The following C8orf34 variants were observed in gnomAD, a reference collection of about 807,000 sequenced individuals.
The protein encoded by C8orf34 is uncharacterized protein C8orf34.
Under a neutral mutation model 68.3 loss-of-function variants are expected in C8orf34, and 65 were observed. The observed-to-expected ratio is 0.95, with a 90% CI of 0.78 to 1.17. The LOEUF (loss-of-function observed/expected upper bound fraction) is 1.17. C8orf34 is among the 50% of genes most tolerant of loss of function. The pLI, the probability that C8orf34 is intolerant of heterozygous loss-of-function variation, is 0.00. For missense variants in C8orf34, 664 were observed against 655.4 expected (o/e 1.01, Z -0.14); for synonymous variants, 244 against 241.2 (o/e 1.01, Z -0.11).
intron 4 of C8orf34, among the ~76,000 whole-genome samples, chr8:68,484,186 AT>A (rs369368306): frequency 5.0e-4 from 76 of 152,276 alleles, no homozygotes; most frequent in African/African-American, 1.8e-3. Context: ...GGTGCTACAC[AT>A]TTTCTATACA....
intron 10 of C8orf34, among the ~76,000 whole-genome samples, chr8:68,766,714 A>G (rs1823187371): frequency 6.6e-6 from 1 of 152,202 alleles, no homozygotes; most frequent in African/African-American, 2.4e-5. Context: ...ATTTTTTAAA[A>G]TTTCACTTGG....
In C8orf34 at chr8:68,766,841, T is replaced by C. The variant is rs1316346761; in HGVS notation, c.1405-9558T>C. Among the ~76,000 whole-genome samples the C allele has an allele frequency of 3.3e-5, 5 of 152,164 alleles. No homozygotes were observed. In the East Asian group the frequency reaches 5.8e-4, roughly 18 times the overall value. On this transcript the variant is annotated intron_variant, in intron 10 of 13. Coordinates refer to ENST00000518698, the MANE Select transcript of C8orf34 (RefSeq NM_052958.4). ...AATAGTGAAAATCACTCAAATAAAA[T>C]GTATGGGTTAATTACTTAATATAAT...
intron 10 of C8orf34, among the ~76,000 whole-genome samples, chr8:68,772,561 T>C (rs1185506426): frequency 6.6e-6 from 1 of 152,208 alleles, no homozygotes; most frequent in Non-Finnish European, 1.5e-5. Flanking sequence ...GAGTTTATAA[T>C]ATATTAAATT....
intron 1 of C8orf34, among the ~76,000 whole-genome samples, chr8:68,394,359 A>G (rs376902403): frequency 9.3e-5 from 14 of 150,872 alleles, no homozygotes; most frequent in East Asian, 4.0e-4. Context: ...TGTTCTTGCG[A>G]TAGTTTACTG....
At chr8:68,678,297 A>G (rs1028615792) in intron 8 of C8orf34, among the ~76,000 whole-genome samples, 1 of 152,166 alleles carries the variant, frequency 6.6e-6, no homozygotes, top group African/African-American at 2.4e-5. Flanking sequence ...GACAACAACT[A>G]TACACCAATA....
intron 12 of C8orf34, among the ~76,000 whole-genome samples, chr8:68,803,908 T>C (rs1165589270): frequency 2.0e-5 from 3 of 152,196 alleles, no homozygotes; most frequent in Non-Finnish European, 4.4e-5. Flanking sequence ...GTGTTCTTGA[T>C]TTTCTAATAG....
intron 1 of C8orf34, among the ~76,000 whole-genome samples, chr8:68,395,493 G>T (rs1330527087): frequency 6.6e-6 from 1 of 152,016 alleles, no homozygotes; most frequent in East Asian, 1.9e-4. Context: ...AGTACTAATT[G>T]TGAAATCCTT....
intron 4 of C8orf34, among the ~76,000 whole-genome samples, chr8:68,477,632 G>A (rs1340361670): frequency 6.6e-6 from 1 of 152,232 alleles, no homozygotes; most frequent in East Asian, 1.9e-4. Flanking sequence ...TGAGGCTGTG[G>A]GAGCCAACCC....
intron 7 of C8orf34, among the ~76,000 whole-genome samples, chr8:68,582,751 A>G (rs1817102820): frequency 1.3e-5 from 2 of 152,054 alleles, no homozygotes. Flanking sequence ...CCTGTGAAAA[A>G]AGACAGACTA....
intron 3 of C8orf34, among the ~76,000 whole-genome samples, chr8:68,454,360 T>C (rs568086195): frequency 6.6e-6 from 1 of 152,060 alleles, no homozygotes; most frequent in Non-Finnish European, 1.5e-5. Flanking sequence ...CTTTAAATGC[T>C]GGGTTGAATT....
At chr8:68,554,503 A>T (rs1586366353) in intron 7 of C8orf34, among the ~76,000 whole-genome samples, 2 of 152,164 alleles carry the variant, frequency 1.3e-5, no homozygotes, top group East Asian at 3.8e-4. Flanking sequence ...TATGAGGTAC[A>T]GTCACTCTTT....
chr8:68,803,998 G>C lies in C8orf34; in HGVS notation c.1550-11888G>C, dbSNP rs75544628. On this transcript the variant is annotated intron_variant, in intron 12 of 13. Transcript: ENST00000518698. ...TAGAGAATTTAGTTTGGTAGTTCGT[G>C]AAAGGTTCACTGTCAACTGACAATT... Among the ~76,000 whole-genome samples the C allele has an allele frequency of 6.3e-3, 958 of 152,184 alleles. 9 individuals are homozygous for C. The highest frequency in any genetic ancestry group is 0.022 in the African/African-American group (911 of 41,518).
chr8:68,593,971 C>T (rs1817470329), intron 7 of C8orf34, among the ~76,000 whole-genome samples: 1 of 151,976 alleles, frequency 6.6e-6, no homozygotes, highest in South Asian at 2.1e-4. Context: ...TAAATTTCCC[C>T]AAATGTTCTT....
At chr8:68,705,162 T>C (rs1482309993) in intron 8 of C8orf34, among the ~76,000 whole-genome samples, 1 of 152,186 alleles carries the variant, frequency 6.6e-6, no homozygotes, top group East Asian at 1.9e-4. Context: ...GGTGCTTATC[T>C]TGCATACAAG....
chr8:68,618,993 G>T (rs996125401), intron 7 of C8orf34, among the ~76,000 whole-genome samples: 1 of 152,144 alleles, frequency 6.6e-6, no homozygotes, highest in Admixed American at 6.5e-5. Context: ...CTAGGGGGAT[G>T]GAAAAGTCTT....
At chr8:68,644,892 C>T (rs754499956) in intron 8 of C8orf34, among the ~76,000 whole-genome samples, 6 of 152,270 alleles carry the variant, frequency 3.9e-5, no homozygotes, top group East Asian at 1.9e-4. Flanking sequence ...TTTTGGGCAT[C>T]TGTATTTTGT....
chr8:68,444,546 C>T (rs1811044059), intron 2 of C8orf34, among the ~76,000 whole-genome samples: 1 of 152,024 alleles, frequency 6.6e-6, no homozygotes, highest in Admixed American at 6.5e-5. Context: ...GATTTATCAA[C>T]AAATAGTGTA....
At chr8:68,711,656 A>G (rs948517561) in intron 9 of C8orf34, among the ~76,000 whole-genome samples, 19 of 152,162 alleles carry the variant, frequency 1.2e-4, no homozygotes, top group Non-Finnish European at 1.8e-4. Context: ...AAAGCCTCCA[A>G]TGAACAAAGT....
At chr8:68,379,062 G>A (rs953392490) in intron 1 of C8orf34, among the ~76,000 whole-genome samples, 3 of 152,162 alleles carry the variant, frequency 2.0e-5, no homozygotes, top group Admixed American at 1.3e-4. Flanking sequence ...TTAGGATCTC[G>A]AAGAGAGAAG....
Sources: allele counts gnomAD v4.1 joint callset (sites outside exome capture counted in the v4.1 genomes callset), GRCh38; gene constraint gnomAD v4.1.1; transcripts MANE v1.5; gene names NCBI Gene and HGNC (gene_info 2026-07-23, HGNC 2026-07-21).